The following MEI4 variants were observed in gnomAD, a reference collection of about 807,000 sequenced individuals.
MEI4 encodes the protein meiosis-specific protein MEI4.
MEI4 carries 27 observed loss-of-function variants against 31.4 expected under a neutral mutation model. The observed-to-expected ratio is 0.86, with a 90% CI of 0.63 to 1.19. The LOEUF (loss-of-function observed/expected upper bound fraction) is 1.19. MEI4 is among the 50% of genes most tolerant of loss of function. MEI4 has a pLI of 0.00. For missense variants in MEI4, 329 were observed against 398.9 expected (o/e 0.82, Z 1.49); for synonymous variants, 122 against 145.4 (o/e 0.84, Z 1.16).
intron 4 of MEI4, among the ~76,000 whole-genome samples, chr6:77,875,276 C>T (rs924106984): frequency 2.3e-4 from 35 of 152,164 alleles, no homozygotes; most frequent in Non-Finnish European, 3.2e-4. Context: ...CCTATCTCCT[C>T]GCTAGAGTGT....
intron 4 of MEI4, among the ~76,000 whole-genome samples, chr6:77,882,776 A>T (rs773551721): frequency 1.3e-5 from 2 of 152,134 alleles, no homozygotes; most frequent in Non-Finnish European, 2.9e-5. Context: ...ATATTATCTT[A>T]TGTAAAGTTC....
At chr6:77,864,103 T>C (rs368626778) in intron 4 of MEI4, among the ~76,000 whole-genome samples, 22 of 152,148 alleles carry the variant, frequency 1.4e-4, no homozygotes, top group South Asian at 6.2e-4. Flanking sequence ...AAAGGAACAA[T>C]CGGTACCAGC....
At chr6:77,692,880 C>G (rs892663700) in intron 2 of MEI4, among the ~76,000 whole-genome samples, 1 of 151,998 alleles carries the variant, frequency 6.6e-6, no homozygotes, top group African/African-American at 2.4e-5. Flanking sequence ...CATGCTAGAA[C>G]TACAGACACA....
At chr6:77,837,160 G>C (rs1339052371) in intron 4 of MEI4, among the ~76,000 whole-genome samples, 24 of 152,074 alleles carry the variant, frequency 1.6e-4, no homozygotes, top group Admixed American at 1.6e-3. Context: ...GAAGATAAAA[G>C]GGCATTTGCC....
intron 4 of MEI4, among the ~76,000 whole-genome samples, chr6:77,852,902 A>G (rs570176133): frequency 1.3e-5 from 2 of 152,180 alleles, no homozygotes; most frequent in Non-Finnish European, 2.9e-5. Context: ...AATAAAGCCA[A>G]TAAGACAGAT....
chr6:77,789,134 G>C (rs1350688260), intron 3 of MEI4, among the ~76,000 whole-genome samples: 2 of 152,160 alleles, frequency 1.3e-5, no homozygotes, highest in Non-Finnish European at 2.9e-5. Flanking sequence ...TGACAAACCT[G>C]ACAAAAATGA....
intron 2 of MEI4, among the ~76,000 whole-genome samples, chr6:77,727,241 A>G (rs1396885151): frequency 2.0e-5 from 3 of 152,204 alleles, no homozygotes; most frequent in Non-Finnish European, 4.4e-5. Context: ...AGGTAAATGC[A>G]TCAAGACCTT....
chr6:77,800,227 A>T (rs1055908525), intron 3 of MEI4, among the ~76,000 whole-genome samples: 6 of 151,858 alleles, frequency 4.0e-5, no homozygotes, highest in African/African-American at 1.5e-4. Flanking sequence ...TGTAAGTTGG[A>T]TTCCTAGGTA....
At chr6:77,709,014 T>G (rs950718783) in intron 2 of MEI4, among the ~76,000 whole-genome samples, 1 of 152,210 alleles carries the variant, frequency 6.6e-6, no homozygotes, top group Non-Finnish European at 1.5e-5. Flanking sequence ...ACCGTGACCC[T>G]TATAAAGGGT....
intron 3 of MEI4, among the ~76,000 whole-genome samples, chr6:77,814,471 G>A (rs1769645386): frequency 6.6e-6 from 1 of 151,926 alleles, no homozygotes; most frequent in African/African-American, 2.4e-5. Context: ...GTGGTAGCTG[G>A]GTTTATTTTC....
chr6:77,814,242 G>A (rs1009688428), intron 3 of MEI4, among the ~76,000 whole-genome samples: 1 of 152,082 alleles, frequency 6.6e-6, no homozygotes, highest in Admixed American at 6.6e-5. Context: ...GTGTGAACTG[G>A]CTCTAGATTT....
chr6:77,908,882 T>G (rs1195025316), intron 4 of MEI4, among the ~76,000 whole-genome samples: 1 of 152,056 alleles, frequency 6.6e-6, no homozygotes, highest in Admixed American at 6.6e-5. Flanking sequence ...GAGAGAGACT[T>G]AGACTCCCAC....
At chr6:77,888,679 G>A (rs1421812917) in intron 4 of MEI4, among the ~76,000 whole-genome samples, 2 of 151,904 alleles carry the variant, frequency 1.3e-5, no homozygotes, top group Admixed American at 1.3e-4. Context: ...TGGCCTTTAA[G>A]GTTTCTGCTG....
intron 2 of MEI4, 111 bp from the exon 3 acceptor site, chr6:77,761,019 A>C (rs563961077): frequency 1.4e-6 from 1 of 690,486 alleles, no homozygotes; most frequent in South Asian, 7.9e-5. Flanking sequence ...TAAATGCTTA[A>C]TGTGTATTTA....
At chr6:77,817,927 T>C (rs1002748278) in intron 3 of MEI4, among the ~76,000 whole-genome samples, 6 of 152,184 alleles carry the variant, frequency 3.9e-5, no homozygotes, top group African/African-American at 1.4e-4. Context: ...TCTTACTTCT[T>C]TCTGCTCACT....
intron 1 of MEI4, among the ~76,000 whole-genome samples, chr6:77,686,910 T>C (rs1035678697): frequency 1.4e-5 from 2 of 141,618 alleles, no homozygotes; most frequent in Non-Finnish European, 3.1e-5. Context: ...GTGATCTTGG[T>C]GATGAAGTAA....
At chr6:77,809,560 A>G (rs1441581353) in intron 3 of MEI4, among the ~76,000 whole-genome samples, 3 of 152,182 alleles carry the variant, frequency 2.0e-5, no homozygotes, top group Non-Finnish European at 4.4e-5. Context: ...TCAATCTTGC[A>G]TGGTTTACAG....
intron 4 of MEI4, among the ~76,000 whole-genome samples, chr6:77,839,492 C>T (rs1399623624): frequency 6.6e-6 from 1 of 152,054 alleles, no homozygotes; most frequent in Non-Finnish European, 1.5e-5. Context: ...CAGACTCACC[C>T]CTGACCTGTG....
chr6:77,781,778 T>A (rs1768603316), intron 3 of MEI4, among the ~76,000 whole-genome samples: 1 of 152,162 alleles, frequency 6.6e-6, no homozygotes, highest in African/African-American at 2.4e-5. Flanking sequence ...AGAGCTCTAT[T>A]CTTAAACAGG....
Sources: gnomAD v4.1 joint callset for allele counts (sites outside exome capture counted in the v4.1 genomes callset) on GRCh38, gnomAD v4.1.1 for gene constraint, MANE v1.5 for transcripts, NCBI Gene and HGNC (gene_info 2026-07-23, HGNC 2026-07-21) for gene names.